Variants in ENTPD6 observed in about 807,000 individuals in gnomAD.
The protein encoded by ENTPD6 is ectonucleoside triphosphate diphosphohydrolase 6.
ENTPD6 carries 46 observed loss-of-function variants against 61.5 expected under a neutral mutation model. That is an observed-to-expected ratio of 0.75 (90% CI 0.59 to 0.96). The LOEUF (loss-of-function observed/expected upper bound fraction) is 0.96, where lower values mean the gene tolerates loss of function less well. Among genes scored for constraint, ENTPD6 ranks in the 40% least tolerant of loss-of-function variants. The pLI is 0.00. For missense variants in ENTPD6, 612 were observed against 629.0 expected, an observed-to-expected ratio of 0.97 and a Z score of 0.29; for synonymous variants, 252 against 255.5, an observed-to-expected ratio of 0.99 and a Z score of 0.13.
intron 1 of ENTPD6, among the ~76,000 whole-genome samples, chr20:25,199,209 G>A (rs1207571504): frequency 6.6e-6 from 1 of 152,218 alleles, no homozygotes; most frequent in Non-Finnish European, 1.5e-5. Context: ...AACTGCACAT[G>A]TCATGTGCTG....
chr20:25,214,710 T>A, intron 5 of ENTPD6, 157 bp from the exon 6 acceptor site: 1 of 620,592 alleles, frequency 1.6e-6, no homozygotes, highest in Non-Finnish European at 2.9e-6. Flanking sequence ...CCGGTCTGAG[T>A]GCAGTGGTAT....
intron 11 of ENTPD6, chr20:25,222,510 G>T (rs915191381): frequency 4.4e-5 from 11 of 250,056 alleles, no homozygotes; most frequent in Non-Finnish European, 7.0e-5. Flanking sequence ...CTGGCGGAGG[G>T]GGAATGTAGG....
chr20:25,210,366 C>T (rs984915908), intron 4 of ENTPD6, among the ~76,000 whole-genome samples: 10 of 152,122 alleles, frequency 6.6e-5, no homozygotes, highest in African/African-American at 2.2e-4. Flanking sequence ...TTAGTGTTGG[C>T]CAGGCATGGT....
rs563601079 is a variant in ENTPD6, at chr20:25,199,568, C to T, written c.-16+3701C>T. On this transcript the variant is annotated intron_variant, in intron 1 of 14. Transcript: ENST00000376652. ...ACAGTTCTGTGGCATTAAGTACATT[C>T]ACAACCACCATCACCATCCGTCTCC... is the stretch of plus-strand genomic sequence containing the variant. 4.6e-5 allele frequency among the ~76,000 whole-genome samples: 7 copies of T among 152,322 alleles called. No homozygotes were observed. The East Asian group carries it at 1.3e-3, about 29-fold the overall frequency.
rs1041593918 is a variant in ENTPD6, at chr20:25,225,652, C to T, written c.*55C>T. ...GTGTCTGTGTGTCTGCATAAACCCT[C>T]CTGTCCTGGACGTGACTTCATCCTG... On this transcript the variant is annotated 3_prime_UTR_variant, in exon 15 of 15. Transcript: ENST00000376652. 73 of 1,467,562 alleles carry T rather than the reference C, an allele frequency of 5.0e-5. No homozygotes were observed. The highest frequency in any genetic ancestry group is 1.2e-5 in the South Asian group (1 of 84,908). 90.9% of individuals were successfully genotyped at this position (1,467,562 alleles called of 1,614,324 possible).
chr20:25,201,959 C>G (rs1406720986), intron 1 of ENTPD6, among the ~76,000 whole-genome samples: 2 of 152,160 alleles, frequency 1.3e-5, no homozygotes, highest in Admixed American at 6.5e-5. Flanking sequence ...CTCAAGATAT[C>G]CTCTCGCCTC....
intron 4 of ENTPD6, among the ~76,000 whole-genome samples, chr20:25,210,665 G>A (rs1334991467): frequency 6.6e-6 from 1 of 152,196 alleles, no homozygotes; most frequent in Non-Finnish European, 1.5e-5. Flanking sequence ...TTACAGGCCA[G>A]GCACAGTGGC....
At chr20:25,201,915 C>T (rs1452030670) in intron 1 of ENTPD6, among the ~76,000 whole-genome samples, 1 of 152,032 alleles carries the variant, frequency 6.6e-6, no homozygotes, top group Non-Finnish European at 1.5e-5. Flanking sequence ...ACAGTGTCTC[C>T]CTATGCTGCC....
intron 13 of ENTPD6, 64 bp from the exon 14 acceptor site, chr20:25,225,141 C>G: frequency 6.4e-7 from 1 of 1,553,934 alleles, no homozygotes; most frequent in African/African-American, 1.4e-5. Flanking sequence ...TTGGGGTCTG[C>G]ACTTGCCCCT....
chr20:25,196,601 GGCACCTGTATTCCA>G (rs2090446789), intron 1 of ENTPD6, among the ~76,000 whole-genome samples: 1 of 152,192 alleles, frequency 6.6e-6, no homozygotes, highest in African/African-American at 2.4e-5. Context: ...TGTCCCTCCA[GGCACCTGTATTCCA>G]GCCTTACCTG....
In ENTPD6 at chr20:25,195,878, G is replaced by A. The variant is rs1488215750; in HGVS notation, c.-16+11G>A. On this transcript the variant is annotated intron_variant, in intron 1 of 14. Coordinates refer to ENST00000376652, the MANE Select transcript of ENTPD6 (RefSeq NM_001247.5). ...AGCGCGCGGTGCATGGTAAGCGGCGGGCCGGGGCGCTGGCGGGGGCGGCCG... is the reference window on the plus strand; with the variant it reads ...AGCGCGCGGTGCATGGTAAGCGGCGAGCCGGGGCGCTGGCGGGGGCGGCCG... The A allele has an allele frequency of 3.2e-6, 4 of 1,235,070 alleles. No individual in the cohort carries two copies. In the East Asian group the frequency reaches 1.3e-4, roughly 39 times the overall value. 76.5% of individuals were successfully genotyped at this position (1,235,070 alleles called of 1,614,324 possible). A position where few individuals can be genotyped will look rare whatever the true frequency, so the allele number is the denominator to read the frequency against.
In ENTPD6 at chr20:25,227,130, GC is replaced by G. The variant is rs910260106; in HGVS notation, c.*1541del. On this transcript the variant is annotated 3_prime_UTR_variant, in exon 15 of 15. Transcript: ENST00000376652. Reference sequence around the variant, plus strand: ...CACATCCCGAGTGCTTGTGCCTGAAGCCCCCCCCAACCAACTGTCACAGGAG... The same window carrying G: ...CACATCCCGAGTGCTTGTGCCTGAAGCCCCCCCAACCAACTGTCACAGGAG... Among the ~76,000 whole-genome samples, 10 of 152,132 alleles carry G rather than the reference GC, an allele frequency of 6.6e-5. No homozygotes were observed. The highest frequency in any genetic ancestry group is 5.9e-5 in the Non-Finnish European group (4 of 67,998).
At chr20:25,199,758 CACTTAGTGA>C (rs1252466251) in intron 1 of ENTPD6, among the ~76,000 whole-genome samples, 1 of 152,206 alleles carries the variant, frequency 6.6e-6, no homozygotes, top group Non-Finnish European at 1.5e-5. Flanking sequence ...TGGCTTATTT[CACTTAGTGA>C]AATGCCTTTA....
chr20:25,217,820 C>T, intron 9 of ENTPD6, among the ~76,000 whole-genome samples: 1 of 150,606 alleles, frequency 6.6e-6, no homozygotes, highest in East Asian at 2.0e-4. Context: ...CCTCCTCCTC[C>T]CACCTCCTCT....
Position 25,217,531 on chromosome 20 carries a change from C to T in ENTPD6, c.828C>T (p.Tyr276=). ...CCCTGCAGGCCTCCCCACCCGGCTA[C>T]CTGACGGCACTGCGGATGTTTAACA... is the stretch of plus-strand genomic sequence containing the variant. ...EGTLQASPPG[Y]LTALRMFNRT... Residue 276 remains tyrosine, a synonymous_variant, in exon 9 of 15, where the codon TAC becomes TAT. Transcript: ENST00000376652. 6.2e-7 allele frequency: 1 copy of T among 1,614,198 alleles called. No homozygotes were observed. The highest frequency in any genetic ancestry group is 8.5e-7 in the Non-Finnish European group (1 of 1,180,008).
In ENTPD6 at chr20:25,207,411, A is replaced by T; in HGVS notation, c.376+14A>T. Reference sequence around the variant, plus strand: ...GGCCCCCCAGAGGTACCCGCCTCTCATGGCAGGGCTCTCGGGATCTCCTCC... The same window carrying T: ...GGCCCCCCAGAGGTACCCGCCTCTCTTGGCAGGGCTCTCGGGATCTCCTCC... On this transcript the variant is annotated intron_variant, in intron 3 of 14. Transcript: ENST00000376652. The T allele has an allele frequency of 6.6e-7, 1 of 1,514,674 alleles. No individual in the cohort carries two copies. The highest frequency in any genetic ancestry group is 8.9e-7 in the Non-Finnish European group (1 of 1,129,794). The allele number at this position is 1,514,674 out of a possible 1,614,324, so 93.8% of individuals were successfully genotyped here.
chr20:25,217,397 T>G (rs2092374179), intron 8 of ENTPD6, 105 bp from the exon 9 acceptor site: 5 of 1,054,010 alleles, frequency 4.7e-6, no homozygotes, highest in Admixed American at 3.6e-5. Flanking sequence ...GCTCATTTAA[T>G]TGGCTGCACC....
rs758504154 is a variant in ENTPD6, at chr20:25,195,868, G to A, written c.-16+1G>A. 3.2e-6 allele frequency: 4 copies of A among 1,236,254 alleles called. No homozygotes were observed. The South Asian group carries it at 1.6e-4, about 50-fold the overall frequency. The allele number at this position is 1,236,254 out of a possible 1,614,324, so 76.6% of individuals were successfully genotyped here. A position where few individuals can be genotyped will look rare whatever the true frequency, so the allele number is the denominator to read the frequency against. ...GGTGTGGCGGAGCGCGCGGTGCATGGTAAGCGGCGGGCCGGGGCGCTGGCG... is the reference window on the plus strand; with the variant it reads ...GGTGTGGCGGAGCGCGCGGTGCATGATAAGCGGCGGGCCGGGGCGCTGGCG... On this transcript the variant is annotated splice_donor_variant, in intron 1 of 14. Coordinates refer to ENST00000376652, the MANE Select transcript of ENTPD6 (RefSeq NM_001247.5). LOFTEE classifies it low-confidence loss of function (5UTR_SPLICE).
Position 25,207,258 on chromosome 20 carries a change from G to A in ENTPD6, c.237G>A (p.Pro79=), listed in dbSNP as rs148914334. 35 of 1,613,550 alleles carry A rather than the reference G, an allele frequency of 2.2e-5. No homozygotes were observed. Among genetic ancestry groups the A allele is most frequent in the South Asian group, 7.7e-5 (7 of 91,064 alleles). ...QAFFSITRAA[P]GARWGQQAHS... is the part of the protein sequence containing the mutation. ...TCTTCAGCATCACCAGGGCAGCCCC[G>A]GGGGCCCGGTGGGGTCAGCAGGCCC... Residue 79 remains proline, a synonymous_variant, in exon 3 of 15, where the codon CCG becomes CCA. Transcript: ENST00000376652.
Sources: allele counts gnomAD v4.1 joint callset (sites outside exome capture counted in the v4.1 genomes callset), GRCh38; gene constraint gnomAD v4.1.1; transcripts MANE v1.5; gene names NCBI Gene and HGNC (gene_info 2026-07-23, HGNC 2026-07-21).